EFCAB11: variants seen among roughly 807,000 people sequenced by gnomAD.
EFCAB11 encodes the protein EF-hand calcium-binding domain-containing protein 11.
A neutral mutation model predicts 23.0 loss-of-function variants in EFCAB11; 14 were observed. That is an observed-to-expected ratio of 0.61 (90% CI 0.40 to 0.95). The LOEUF (loss-of-function observed/expected upper bound fraction) is 0.95. Among genes scored for constraint, EFCAB11 ranks in the 40% least tolerant of loss-of-function variants. The pLI, the probability that EFCAB11 is intolerant of heterozygous loss-of-function variation, is 0.00. For missense variants in EFCAB11, 198 were observed against 195.8 expected (o/e 1.01, Z -0.07); for synonymous variants, 65 against 66.6 (o/e 0.98, Z 0.11).
intron 5 of EFCAB11, among the ~76,000 whole-genome samples, chr14:89,925,997 T>A (rs1342263527): frequency 6.6e-6 from 1 of 152,040 alleles, no homozygotes; most frequent in East Asian, 1.9e-4. Context: ...CTGGGATAAT[T>A]TTTTTTATTT....
At chr14:89,886,517 CAAA>C (rs762288481) in intron 5 of EFCAB11, among the ~76,000 whole-genome samples, 2 of 14,886 alleles carry the variant, frequency 1.3e-4, no homozygotes, top group Admixed American at 1.3e-3. Context: ...AACTCCGTCT[CAAA>C]AAAAAAAAAA....
chr14:89,922,306 T>C (rs1016154649), intron 5 of EFCAB11, among the ~76,000 whole-genome samples: 1 of 152,204 alleles, frequency 6.6e-6, no homozygotes, highest in African/African-American at 2.4e-5. Flanking sequence ...ACAGACCACA[T>C]CTATATTCAT....
In EFCAB11 at chr14:89,897,184, T is replaced by C. The variant is rs138557619; in HGVS notation, c.410+34357A>G. On this transcript the variant is annotated intron_variant, in intron 5 of 5. Coordinates refer to ENST00000316738, the MANE Select transcript of EFCAB11 (RefSeq NM_145231.4). ...GAAGATTAAACATTAGAGAAACATA[T>C]AGGTATATATATGTATATGTGCATT... Among the ~76,000 whole-genome samples the C allele has an allele frequency of 3.2e-3, 477 of 151,078 alleles. 4 individuals are homozygous for C. The highest frequency in any genetic ancestry group is 9.5e-3 in the African/African-American group (391 of 41,094).
intron 5 of EFCAB11, among the ~76,000 whole-genome samples, chr14:89,928,770 CATAT>C (rs1482311379): frequency 6.9e-6 from 1 of 145,682 alleles, no homozygotes; most frequent in African/African-American, 2.5e-5. Flanking sequence ...TTATATATTG[CATAT>C]ATAATTAAAT....
intron 5 of EFCAB11, among the ~76,000 whole-genome samples, chr14:89,801,314 T>A (rs1596371353): frequency 6.6e-6 from 1 of 152,136 alleles, no homozygotes; most frequent in Non-Finnish European, 1.5e-5. Flanking sequence ...ACACACACAC[T>A]GTGGGGGATG....
At chr14:89,812,886 A>T (rs1289782249) in intron 5 of EFCAB11, among the ~76,000 whole-genome samples, 1 of 152,244 alleles carries the variant, frequency 6.6e-6, no homozygotes, top group Non-Finnish European at 1.5e-5. Context: ...GAAGGAAAAG[A>T]TCAGAGATTT....
chr14:89,841,127 G>A (rs75929803), intron 5 of EFCAB11, among the ~76,000 whole-genome samples: 3,870 of 152,148 alleles, frequency 0.025, 76 homozygotes, highest in Non-Finnish European at 0.042. Flanking sequence ...GAGTACCATG[G>A]AATTTCCATT....
At chr14:89,891,165 G>A (rs187063842) in intron 5 of EFCAB11, among the ~76,000 whole-genome samples, 27 of 152,294 alleles carry the variant, frequency 1.8e-4, no homozygotes, top group Non-Finnish European at 2.2e-4. Flanking sequence ...TCCTGGACTT[G>A]TGGAATTCCT....
intron 5 of EFCAB11, among the ~76,000 whole-genome samples, chr14:89,902,876 T>C (rs1889384730): frequency 1.3e-5 from 2 of 152,232 alleles, no homozygotes; most frequent in African/African-American, 4.8e-5. Context: ...CAAATTACCT[T>C]GTACTTTTCT....
chr14:89,907,779 G>C (rs1457684520), intron 5 of EFCAB11, among the ~76,000 whole-genome samples: 7 of 152,188 alleles, frequency 4.6e-5, no homozygotes, highest in Non-Finnish European at 1.0e-4. Flanking sequence ...ATCTATTTGT[G>C]TTTCCAATGT....
chr14:89,815,558 C>T (rs532445139), intron 5 of EFCAB11, among the ~76,000 whole-genome samples: 2 of 152,058 alleles, frequency 1.3e-5, no homozygotes, highest in South Asian at 4.2e-4. Flanking sequence ...TCTTGAGTAG[C>T]TGGGATTACA....
chr14:89,884,790 G>A (rs536486247), intron 5 of EFCAB11, among the ~76,000 whole-genome samples: 1 of 152,324 alleles, frequency 6.6e-6, no homozygotes, highest in South Asian at 2.1e-4. Flanking sequence ...ACAGTATTTG[G>A]AGGTGGTGTC....
chr14:89,911,282 T>C (rs1023145429), intron 5 of EFCAB11, among the ~76,000 whole-genome samples: 10 of 151,366 alleles, frequency 6.6e-5, no homozygotes, highest in African/African-American at 2.2e-4. Flanking sequence ...CCAAGGAGAG[T>C]GAATTTCAAC....
Position 89,837,963 on chromosome 14 carries a change from A to G in EFCAB11, c.411-40639T>C, listed in dbSNP as rs78427456. ...ATATATAACTAGCTTCTGAGTCTGC[A>G]TTTCACATGGGCATAGAAATCACTT... is the stretch of plus-strand genomic sequence containing the variant. On this transcript the variant is annotated intron_variant, in intron 5 of 5. Transcript: ENST00000316738. Among the ~76,000 whole-genome samples, 1,059 of 152,266 alleles carry G rather than the reference A, an allele frequency of 7.0e-3. 26 individuals are homozygous for G. In the East Asian group the frequency reaches 0.087, roughly 13 times the overall value.
intron 5 of EFCAB11, among the ~76,000 whole-genome samples, chr14:89,886,546 G>GAAAAA (rs1566797371): frequency 3.3e-4 from 6 of 18,138 alleles, no homozygotes; most frequent in African/African-American, 1.2e-3. Context: ...AAAAAAAAAG[G>GAAAAA]AAAGTGATCT....
intron 5 of EFCAB11, among the ~76,000 whole-genome samples, chr14:89,861,234 T>C (rs1887910339): frequency 6.6e-6 from 1 of 152,222 alleles, no homozygotes; most frequent in South Asian, 2.1e-4. Context: ...GACACCATGA[T>C]TCCCTACTCA....
At chr14:89,902,563 C>G (rs76570139) in intron 5 of EFCAB11, among the ~76,000 whole-genome samples, 1 of 152,104 alleles carries the variant, frequency 6.6e-6, no homozygotes, top group Non-Finnish European at 1.5e-5. Context: ...AATCTCAAGG[C>G]TTCCAAGAAT....
chr14:89,863,149 G>C (rs764518890), intron 5 of EFCAB11, among the ~76,000 whole-genome samples: 2 of 151,810 alleles, frequency 1.3e-5, no homozygotes, highest in Non-Finnish European at 2.9e-5. Flanking sequence ...ATAACTAAAA[G>C]GGAAGAAATA....
At chr14:89,838,677 G>A (rs1887161833) in intron 5 of EFCAB11, among the ~76,000 whole-genome samples, 1 of 152,050 alleles carries the variant, frequency 6.6e-6, no homozygotes, top group Non-Finnish European at 1.5e-5. Context: ...GAATACAAAC[G>A]CATTTTGCTT....
Sources: allele counts gnomAD v4.1 joint callset (sites outside exome capture counted in the v4.1 genomes callset), GRCh38; gene constraint gnomAD v4.1.1; transcripts MANE v1.5; gene names NCBI Gene and HGNC (gene_info 2026-07-23, HGNC 2026-07-21).